The following GPC6 variants were observed in gnomAD, a reference collection of about 807,000 sequenced individuals.
GPC6 encodes glypican 6, also known as glypican-6.
Under a neutral mutation model 55.2 loss-of-function variants are expected in GPC6, and 14 were observed. That is an observed-to-expected ratio of 0.25 (90% confidence interval 0.17 to 0.40). The LOEUF (loss-of-function observed/expected upper bound fraction) is 0.40. GPC6 is among the 10% of genes least tolerant of loss of function. The pLI is 1.00. For missense variants in GPC6, 641 were observed against 708.5 expected, an observed-to-expected ratio of 0.90 and a Z score of 1.08; for synonymous variants, 278 against 259.6, an observed-to-expected ratio of 1.07 and a Z score of -0.68.
chr13:93,992,695 T>C (rs1881365181), intron 3 of GPC6, among the ~76,000 whole-genome samples: 2 of 152,190 alleles, frequency 1.3e-5, no homozygotes, highest in South Asian at 2.1e-4. Flanking sequence ...CTTGGTGAGA[T>C]GAAGTCATTA....
intron 4 of GPC6, among the ~76,000 whole-genome samples, chr13:94,201,348 T>C (rs112734061): frequency 1.3e-5 from 2 of 152,044 alleles, no homozygotes; most frequent in African/African-American, 4.8e-5. Context: ...TCTTGTGATG[T>C]CAATAACGAA....
intron 2 of GPC6, among the ~76,000 whole-genome samples, chr13:93,600,962 A>G (rs577643882): frequency 1.4e-3 from 207 of 150,478 alleles, no homozygotes; most frequent in African/African-American, 4.9e-3. Context: ...AAAAAAAAAA[A>G]AAAAGAAAAA....
Position 93,871,840 on chromosome 13 carries a change from G to C in GPC6, c.711+41295G>C, listed in dbSNP as rs531726303. Among the ~76,000 whole-genome samples, 4 of 152,008 alleles carry C rather than the reference G, an allele frequency of 2.6e-5. No homozygotes were observed. In the East Asian group the frequency reaches 7.8e-4, roughly 30 times the overall value. On this transcript the variant is annotated intron_variant, in intron 3 of 8. Transcript: ENST00000377047. ...GCAAAAGCACAAAATTATGGTGATG[G>C]AGATTCAAATGTTAGACTTTTTTTT...
intron 3 of GPC6, among the ~76,000 whole-genome samples, chr13:93,898,346 A>G (rs1054402920): frequency 6.6e-6 from 1 of 152,156 alleles, no homozygotes; most frequent in Non-Finnish European, 1.5e-5. Flanking sequence ...AAATAGACAT[A>G]AGCAAATAAT....
chr13:93,580,627 A>G (rs1168406142), intron 2 of GPC6, among the ~76,000 whole-genome samples: 1 of 152,164 alleles, frequency 6.6e-6, no homozygotes, highest in Non-Finnish European at 1.5e-5. Context: ...TATGGGGCTT[A>G]TATTTTAGCA....
At chr13:94,117,589 T>A (rs1224866475) in intron 4 of GPC6, among the ~76,000 whole-genome samples, 1 of 152,088 alleles carries the variant, frequency 6.6e-6, no homozygotes, top group Non-Finnish European at 1.5e-5. Context: ...GACTCCTTCA[T>A]TTGTTGGCTC....
At chr13:94,272,689 CAATT>C (rs1892081415) in intron 4 of GPC6, among the ~76,000 whole-genome samples, 2 of 151,830 alleles carry the variant, frequency 1.3e-5, no homozygotes, top group Non-Finnish European at 2.9e-5. Flanking sequence ...AGGATGGTCT[CAATT>C]TCCTGACCTC....
At chr13:93,304,748 TGA>T (rs1878799035) in intron 1 of GPC6, among the ~76,000 whole-genome samples, 2 of 151,762 alleles carry the variant, frequency 1.3e-5, no homozygotes, top group Non-Finnish European at 1.5e-5. Flanking sequence ...ATGGGCAGAG[TGA>T]GAGTCAGTGG....
At chr13:93,444,840 T>G (rs1877943320) in intron 1 of GPC6, among the ~76,000 whole-genome samples, 1 of 152,242 alleles carries the variant, frequency 6.6e-6, no homozygotes, top group Non-Finnish European at 1.5e-5. Context: ...CACATACATT[T>G]TATTATTTCC....
chr13:94,229,602 T>C (rs1156351364), intron 4 of GPC6, among the ~76,000 whole-genome samples: 3 of 152,118 alleles, frequency 2.0e-5, no homozygotes, highest in African/African-American at 7.2e-5. Flanking sequence ...TAGGGTAGGG[T>C]AGACTGCTGC....
intron 1 of GPC6, among the ~76,000 whole-genome samples, chr13:93,259,893 C>G (rs1380364379): frequency 1.3e-5 from 2 of 151,998 alleles, no homozygotes; most frequent in African/African-American, 2.4e-5. Flanking sequence ...GACTGTATAT[C>G]TCATTATTCA....
chr13:93,964,002 C>T (rs1334782939), intron 3 of GPC6, among the ~76,000 whole-genome samples: 1 of 152,164 alleles, frequency 6.6e-6, no homozygotes, highest in Non-Finnish European at 1.5e-5. Flanking sequence ...TAATGACTCA[C>T]TTTGCAATCG....
intron 2 of GPC6, among the ~76,000 whole-genome samples, chr13:93,753,169 G>A (rs1443508464): frequency 6.6e-6 from 1 of 152,180 alleles, no homozygotes; most frequent in African/African-American, 2.4e-5. Flanking sequence ...AAGAGACCCT[G>A]TTACTTCCCT....
chr13:93,557,273 A>G (rs566236003), intron 2 of GPC6, among the ~76,000 whole-genome samples: 1 of 152,282 alleles, frequency 6.6e-6, no homozygotes, highest in East Asian at 1.9e-4. Flanking sequence ...ATACTTTATG[A>G]TATTTTGTCA....
chr13:93,873,444 G>C (rs541404095), intron 3 of GPC6, among the ~76,000 whole-genome samples: 1 of 151,940 alleles, frequency 6.6e-6, no homozygotes, highest in South Asian at 2.1e-4. Flanking sequence ...CATACATATA[G>C]AGCAATGGTT....
chr13:93,480,048 T>C (rs890009165), intron 1 of GPC6, among the ~76,000 whole-genome samples: 1 of 152,218 alleles, frequency 6.6e-6, no homozygotes, highest in African/African-American at 2.4e-5. Flanking sequence ...TGTCAAATCA[T>C]ACATGAGACA....
chr13:93,700,102 T>G (rs1367766273), intron 2 of GPC6, among the ~76,000 whole-genome samples: 2 of 152,026 alleles, frequency 1.3e-5, no homozygotes, highest in Non-Finnish European at 2.9e-5. Context: ...AATACTATAT[T>G]AAGTCCAAGA....
intron 1 of GPC6, among the ~76,000 whole-genome samples, chr13:93,295,894 G>A (rs1878481165): frequency 6.6e-6 from 1 of 151,964 alleles, no homozygotes; most frequent in Non-Finnish European, 1.5e-5. Flanking sequence ...TGTATTTTTG[G>A]TAGAGATGGA....
rs146868653 is a variant in GPC6 at position 94,398,604 on chromosome 13, C to T, written c.1428C>T (p.Asn476=). 3.5e-5 allele frequency: 57 copies of T among 1,614,130 alleles called. No individual in the cohort carries two copies. The highest frequency in any genetic ancestry group is 2.9e-4 in the African/African-American group (22 of 75,046). Residue 476 remains asparagine (N), a synonymous_variant, in exon 8 of 9, where the codon AAC becomes AAT. Coordinates refer to ENST00000377047, the MANE Select transcript of GPC6 (RefSeq NM_005708.5). ...GTGTGATGACCAACAAACTAAAAAA[C>T]GCCTACAATGGCAATGATGTCAATT... ...ALRVMTNKLK[N]AYNGNDVNFQ...
Sources: allele counts gnomAD v4.1 joint callset (sites outside exome capture counted in the v4.1 genomes callset), GRCh38; gene constraint gnomAD v4.1.1; transcripts MANE v1.5; gene names NCBI Gene and HGNC (gene_info 2026-07-23, HGNC 2026-07-21).